Variants in MANBA observed in about 807,000 individuals in gnomAD.
MANBA encodes mannosidase beta, also known as beta-mannosidase.
A neutral mutation model predicts 111.1 loss-of-function variants in MANBA; 83 were observed. The observed-to-expected ratio is 0.75, with a 90% CI of 0.63 to 0.90. MANBA has a LOEUF of 0.90. MANBA is among the 40% of genes least tolerant of loss of function. The pLI, the probability that MANBA is intolerant of heterozygous loss-of-function variation, is 0.00. For synonymous variants in MANBA, 370 were observed against 378.7 expected, an observed-to-expected ratio of 0.98 and a Z score of 0.27; for missense variants, 1,036 against 1,069.0, an observed-to-expected ratio of 0.97 and a Z score of 0.43.
chr4:102,713,076 A>G (rs528110176), intron 5 of MANBA, among the ~76,000 whole-genome samples: 1 of 152,334 alleles, frequency 6.6e-6, no homozygotes, highest in South Asian at 2.1e-4. Flanking sequence ...ACAGCACCAA[A>G]TAACCTCCTC....
At chr4:102,755,087 C>A (rs968414997) in intron 1 of MANBA, among the ~76,000 whole-genome samples, 1 of 152,140 alleles carries the variant, frequency 6.6e-6, no homozygotes, top group Non-Finnish European at 1.5e-5. Flanking sequence ...ATCAAGCTAC[C>A]AATGACTTTC....
rs1731358503 is a variant in MANBA at position 102,668,968 on chromosome 4, A to G, written c.1312T>C (p.Tyr438His). The G allele has an allele frequency of 6.2e-7, 1 of 1,610,314 alleles. No individual in the cohort carries two copies. Among genetic ancestry groups the G allele is most frequent in the African/African-American group, 1.3e-5 (1 of 74,870 alleles). Residue 438 changes from tyrosine (Y) to histidine (H), a missense_variant, in exon 10 of 17, where the codon TAC (tyrosine) becomes CAC (histidine). Tyr to His is a moderately conservative substitution (Grantham distance 83). Coordinates refer to ENST00000647097, the MANE Select transcript of MANBA (RefSeq NM_005908.4). Reference protein sequence around the residue: ...FLDSVTAEVAYQIKRLKSHPS... With the variant: ...FLDSVTAEVAHQIKRLKSHPS... ...TTGGAAGGGTAGTAACATACCTGGT[A>G]GGCAACTTCTGCTGTCACTGAATCC...
At position 102,731,389 on chromosome 4, in the gene MANBA, T is replaced by C. The variant is rs113199669; in HGVS notation, c.178-4706A>G. 7.5e-3 allele frequency among the ~76,000 whole-genome samples: 1,145 copies of C among 152,310 alleles called. 10 individuals carry two copies. Among genetic ancestry groups the C allele is most frequent in the South Asian group, 0.012 (57 of 4,824 alleles). On this transcript the variant is annotated intron_variant, in intron 1 of 16. Transcript: ENST00000647097. ...TGCCCAAAAGTCAGCACAACTCCCTTCCGCTCATTGGATTCACTTAGCATT... is the reference window on the plus strand; with the variant it reads ...TGCCCAAAAGTCAGCACAACTCCCTCCCGCTCATTGGATTCACTTAGCATT...
intron 5 of MANBA, among the ~76,000 whole-genome samples, chr4:102,709,370 GA>G (rs763833950): frequency 7.8e-6 from 1 of 128,740 alleles, no homozygotes; most frequent in African/African-American, 2.9e-5. Flanking sequence ...AAAAGAAAAA[GA>G]AAGGAAGGAA....
At chr4:102,760,244 G>C (rs536315585) in intron 1 of MANBA, among the ~76,000 whole-genome samples, 1 of 152,274 alleles carries the variant, frequency 6.6e-6, no homozygotes, top group South Asian at 2.1e-4. Flanking sequence ...TCTGTGCTGC[G>C]TCAATCCCAA....
At position 102,732,656 on chromosome 4, in the gene MANBA, A is replaced by G. The variant is rs139048207; in HGVS notation, c.178-5973T>C. ...ACACGTAATCACCAAACTGGCTTTT[A>G]AGGTCTGGTTAATGGTAAGGTTTTG... On this transcript the variant is annotated intron_variant, in intron 1 of 16. Coordinates refer to ENST00000647097, the MANE Select transcript of MANBA (RefSeq NM_005908.4). Among the ~76,000 whole-genome samples the G allele has an allele frequency of 1.4e-4, 22 of 152,376 alleles. No individual in the cohort carries two copies. In the East Asian group the frequency reaches 4.2e-3, roughly 29 times the overall value.
At chr4:102,721,149 C>G (rs1384752182) in intron 4 of MANBA, among the ~76,000 whole-genome samples, 1 of 152,136 alleles carries the variant, frequency 6.6e-6, no homozygotes, top group Non-Finnish European at 1.5e-5. Flanking sequence ...CATGGCGAAA[C>G]TCCGTCTCTA....
intron 1 of MANBA, 77 bp from the exon 2 acceptor site, chr4:102,726,760 T>G (rs1280101946): frequency 1.4e-5 from 11 of 800,922 alleles, no homozygotes; most frequent in Middle Eastern, 2.8e-4. Flanking sequence ...ATAAAATAAA[T>G]TATTAACAAC....
intron 15 of MANBA, among the ~76,000 whole-genome samples, chr4:102,635,612 T>A (rs1729590647): frequency 6.6e-6 from 1 of 152,230 alleles, no homozygotes; most frequent in African/African-American, 2.4e-5. Context: ...TTCATCTAGT[T>A]ATTTTATTTC....
chr4:102,671,933 C>G lies in MANBA; in HGVS notation c.1113-535G>C, dbSNP rs73836808. 2.4e-3 allele frequency: 985 copies of G among 409,830 alleles called. 8 individuals carry two copies. Among genetic ancestry groups the G allele is most frequent in the African/African-American group, 0.018 (873 of 48,812 alleles). The allele number at this position is 409,830 out of a possible 1,614,324, so 25.4% of individuals were successfully genotyped here. On this transcript the variant is annotated intron_variant, in intron 8 of 16. Coordinates refer to ENST00000647097, the MANE Select transcript of MANBA (RefSeq NM_005908.4). ...ATGTACCTTCCCTCCATTCCCAGAA[C>G]AGTGCTCAAACCAAGTAACAGGCTG... is the stretch of plus-strand genomic sequence containing the variant.
At chr4:102,632,380 A>T in intron 16 of MANBA, 99 bp from the exon 17 acceptor site, 1 of 998,888 alleles carries the variant, frequency 1.0e-6, no homozygotes, top group South Asian at 1.4e-5. Context: ...CTTAACAAGG[A>T]GTCCACTTCC....
chr4:102,753,947 T>C (rs765208633), intron 1 of MANBA: 9 of 429,268 alleles, frequency 2.1e-5, no homozygotes, highest in South Asian at 1.1e-4. Context: ...GAGAATGCAG[T>C]GAGGAAGATG....
chr4:102,729,331 A>T, intron 1 of MANBA: 1 of 755,948 alleles, frequency 1.3e-6, no homozygotes, highest in Non-Finnish European at 2.4e-6. Flanking sequence ...GATCTGGTAC[A>T]TGCTCTCAGC....
intron 6 of MANBA, among the ~76,000 whole-genome samples, chr4:102,690,068 A>G (rs537391162): frequency 6.6e-5 from 10 of 152,190 alleles, no homozygotes; most frequent in Non-Finnish European, 1.0e-4. Flanking sequence ...CTTTATCTCA[A>G]CAGCTACTGA....
At chr4:102,647,621 T>C (rs1730159030) in intron 13 of MANBA, among the ~76,000 whole-genome samples, 1 of 151,852 alleles carries the variant, frequency 6.6e-6, no homozygotes, top group Non-Finnish European at 1.5e-5. Flanking sequence ...TTTAACAGAG[T>C]ATTATCTGTG....
At chr4:102,709,066 C>A (rs1007474789) in intron 5 of MANBA, among the ~76,000 whole-genome samples, 4 of 151,810 alleles carry the variant, frequency 2.6e-5, no homozygotes, top group Non-Finnish European at 5.9e-5. Context: ...CATGTAATTC[C>A]AACACTTTGG....
chr4:102,723,630 G>A (rs1188159835), intron 3 of MANBA, among the ~76,000 whole-genome samples: 5 of 152,166 alleles, frequency 3.3e-5, no homozygotes, highest in Non-Finnish European at 7.3e-5. Context: ...CCAAGAACTT[G>A]CCAACATTTT....
At chr4:102,677,659 T>G (rs1731785453) in intron 7 of MANBA, among the ~76,000 whole-genome samples, 1 of 152,188 alleles carries the variant, frequency 6.6e-6, no homozygotes, top group Admixed American at 6.5e-5. Flanking sequence ...TTTTTCCCTT[T>G]TCCAAGTACA....
intron 1 of MANBA, chr4:102,730,451 A>G: frequency 2.0e-6 from 1 of 500,610 alleles, no homozygotes. Context: ...TATTCGGGGT[A>G]AGGGTCAGCT....
Sources: gnomAD v4.1 joint callset for allele counts (sites outside exome capture counted in the v4.1 genomes callset) on GRCh38, gnomAD v4.1.1 for gene constraint, MANE v1.5 for transcripts, NCBI Gene and HGNC (gene_info 2026-07-23, HGNC 2026-07-21) for gene names.